ZNF77: variants seen among roughly 807,000 people sequenced by gnomAD.
ZNF77 encodes zinc finger protein 77.
A neutral mutation model predicts 13.5 loss-of-function variants in ZNF77; 15 were observed. The observed-to-expected ratio is 1.11, with a 90% CI of 0.74 to 1.71. The LOEUF (loss-of-function observed/expected upper bound fraction) is 1.71. Among genes scored for constraint, ZNF77 ranks in the 40% most tolerant of loss-of-function variants. The pLI is 0.00. For synonymous variants in ZNF77, 282 were observed against 250.0 expected (o/e 1.13, Z -1.21); for missense variants, 717 against 676.4 (o/e 1.06, Z -0.67).
chr19:2,939,592 A>G lies in ZNF77; in HGVS notation c.4-185T>C, dbSNP rs967023662. ...GTGAGTACCTTCCCAACAGGGAGCA[A>G]AGCGCAATGACGGCCTCTGCCAGAG... On this transcript the variant is annotated intron_variant, in intron 1 of 3. Coordinates refer to ENST00000314531, the MANE Select transcript of ZNF77 (RefSeq NM_021217.3). 4 of 725,952 alleles carry G rather than the reference A, an allele frequency of 5.5e-6. No homozygotes were observed. The Admixed American group carries it at 8.9e-5, about 16-fold the overall frequency. The allele number at this position is 725,952 out of a possible 1,614,324, so 45.0% of individuals were successfully genotyped here. A position where few individuals can be genotyped will look rare whatever the true frequency, so the allele number is the denominator to read the frequency against.
At chr19:2,941,861 C>T (rs1371771876) in intron 1 of ZNF77, among the ~76,000 whole-genome samples, 2 of 152,136 alleles carry the variant, frequency 1.3e-5, no homozygotes, top group Admixed American at 6.6e-5. Context: ...TCCACACCTT[C>T]GCCCACCTCA....
chr19:2,940,473 G>A (rs540701121), intron 1 of ZNF77, among the ~76,000 whole-genome samples: 19 of 152,178 alleles, frequency 1.2e-4, no homozygotes, highest in African/African-American at 4.6e-4. Flanking sequence ...AAGAGATCAA[G>A]ACCATCCTGG....
At position 2,933,590 on chromosome 19, in the gene ZNF77, T is replaced by G. The variant is rs2088362944; in HGVS notation, c.1537A>C (p.Thr513Pro). The G allele has an allele frequency of 5.6e-6, 9 of 1,614,068 alleles. No homozygotes were observed. The highest frequency in any genetic ancestry group is 1.6e-4 in the Middle Eastern group (1 of 6,062). The change falls in exon 4 of 4, where the codon ACG becomes CCG. Residue 513 changes from threonine (T) to proline (P), a missense_variant. Physicochemically the swap from Thr to Pro is conservative, Grantham distance 38. Transcript: ENST00000314531. ...TCATACGGTCTCTCTCCAGTGTGCG[T>G]TCTCACGTGCACACGAAGGGACGAG... is the stretch of plus-strand genomic sequence containing the variant. Reference protein sequence around the residue: ...CSSSLRVHVRTHTGERPYECK... With the variant: ...CSSSLRVHVRPHTGERPYECK...
chr19:2,936,211 G>A (rs553354462), intron 3 of ZNF77, among the ~76,000 whole-genome samples: 87 of 151,730 alleles, frequency 5.7e-4, no homozygotes, highest in African/African-American at 1.8e-3. Context: ...GCAATGGTGC[G>A]ATCTCAGCTC....
At chr19:2,938,876 A>G (rs1599620051) in intron 2 of ZNF77, among the ~76,000 whole-genome samples, 1 of 152,096 alleles carries the variant, frequency 6.6e-6, no homozygotes, top group African/African-American at 2.4e-5. Flanking sequence ...GAATGGCATG[A>G]ACCCGGGAGG....
intron 2 of ZNF77, among the ~76,000 whole-genome samples, chr19:2,938,238 A>AGGAAGGT: frequency 6.6e-6 from 1 of 152,294 alleles, no homozygotes; most frequent in East Asian, 1.9e-4. Context: ...TCACATGATG[A>AGGAAGGT]GGAAGGATTG....
intron 1 of ZNF77, among the ~76,000 whole-genome samples, chr19:2,943,519 G>A (rs1166277621): frequency 6.6e-6 from 1 of 151,664 alleles, no homozygotes; most frequent in African/African-American, 2.4e-5. Flanking sequence ...TGAGCTAGCT[G>A]ACCACGAGGA....
intron 1 of ZNF77, among the ~76,000 whole-genome samples, chr19:2,943,656 C>G (rs1407554756): frequency 7.3e-6 from 1 of 137,530 alleles, no homozygotes; most frequent in Non-Finnish European, 1.6e-5. Flanking sequence ...GAGGCTGGGG[C>G]TTATCCCTAT....
Position 2,933,587 on chromosome 19 carries a change from G to A in ZNF77, c.1540C>T (p.His514Tyr), listed in dbSNP as rs201671349. ...SSSLRVHVRT[H>Y]TGERPYECKQ... Reference sequence around the variant, plus strand: ...CATTCATACGGTCTCTCTCCAGTGTGCGTTCTCACGTGCACACGAAGGGAC... The same window carrying A: ...CATTCATACGGTCTCTCTCCAGTGTACGTTCTCACGTGCACACGAAGGGAC... The change falls in exon 4 of 4, where the codon CAC (histidine) becomes TAC (tyrosine). Residue 514 changes from histidine to tyrosine, a missense_variant. Coordinates refer to ENST00000314531, the MANE Select transcript of ZNF77 (RefSeq NM_021217.3). 5.0e-6 allele frequency: 8 copies of A among 1,613,886 alleles called. 2 individuals carry two copies. The South Asian group carries it at 5.5e-5, about 11-fold the overall frequency.
chr19:2,934,074 G>A lies in ZNF77; in HGVS notation c.1053C>T (p.Pro351=). The change falls in exon 4 of 4, where the codon CCC becomes CCT. Residue 351 remains proline (P), a synonymous_variant. Transcript: ENST00000314531. ...CTTTGCCGCATTCCTTACATTCATA[G>A]GGTTTCTCTCCACTGTGCGTTCTCC... ...EHGRTHSGEK[P]YECKECGKAF... is the part of the protein sequence containing the mutation. 1 of 1,613,868 alleles carries A rather than the reference G, an allele frequency of 6.2e-7. No homozygotes were observed. Among genetic ancestry groups the A allele is most frequent in the Non-Finnish European group, 8.5e-7 (1 of 1,179,948 alleles).
chr19:2,944,873 C>T lies in ZNF77; in HGVS notation c.-33G>A. 1 of 1,523,038 alleles carries T rather than the reference C, an allele frequency of 6.6e-7. No homozygotes were observed. Among genetic ancestry groups the T allele is most frequent in the Middle Eastern group, 2.1e-4 (1 of 4,854 alleles). 94.3% of individuals were successfully genotyped at this position (1,523,038 alleles called of 1,614,324 possible). On this transcript the variant is annotated 5_prime_UTR_variant, in exon 1 of 4. Transcript: ENST00000314531. ...CCGCTCCTGGGCTCTCCAGGGTTAGCGCCCCGCGGTCCAGCGACCGGCGCA... is the reference window on the plus strand; with the variant it reads ...CCGCTCCTGGGCTCTCCAGGGTTAGTGCCCCGCGGTCCAGCGACCGGCGCA...
Position 2,934,448 on chromosome 19 carries a change from A to C in ZNF77, c.679T>G (p.Phe227Val). 6.2e-7 allele frequency: 1 copy of C among 1,614,226 alleles called. No homozygotes were observed. The highest frequency in any genetic ancestry group is 2.2e-5 in the East Asian group (1 of 44,888). ...CGKAFICPSSFRGHVNSHHGQ... is the reference protein window; with the variant it reads ...CGKAFICPSSVRGHVNSHHGQ... Reference sequence around the variant, plus strand: ...TGATGACTATTCACATGTCCCCTGAAAGATGAGGGACAAATGAAAGCTTTT... The same window carrying C: ...TGATGACTATTCACATGTCCCCTGACAGATGAGGGACAAATGAAAGCTTTT... The change falls in exon 4 of 4, where the codon TTC (phenylalanine) becomes GTC (valine). Residue 227 changes from phenylalanine to valine, a missense_variant. Transcript: ENST00000314531.
At chr19:2,937,344 G>A (rs1385706137) in intron 2 of ZNF77, among the ~76,000 whole-genome samples, 2 of 152,064 alleles carry the variant, frequency 1.3e-5, no homozygotes, top group African/African-American at 4.8e-5. Context: ...AATCAGCCGG[G>A]CATAGTGGCA....
At chr19:2,940,678 G>GAAAAAAAAAAAAAAAAA (rs71179936) in intron 1 of ZNF77, among the ~76,000 whole-genome samples, 1 of 114,616 alleles carries the variant, frequency 8.7e-6, no homozygotes, top group Non-Finnish European at 1.8e-5. Flanking sequence ...TCACAAAAAA[G>GAAAAAAAAAAAAAAAAA]AAAAAAAAAA....
chr19:2,943,145 C>T (rs1034160085), intron 1 of ZNF77, among the ~76,000 whole-genome samples: 5 of 151,992 alleles, frequency 3.3e-5, no homozygotes, highest in Non-Finnish European at 5.9e-5. Context: ...CAGCTGTCTC[C>T]CTGTGGCTAC....
At chr19:2,940,820 C>T (rs548595545) in intron 1 of ZNF77, among the ~76,000 whole-genome samples, 109 of 151,820 alleles carry the variant, frequency 7.2e-4, no homozygotes, top group Non-Finnish European at 1.1e-3. Flanking sequence ...CACTTGAGGA[C>T]GTTTCCACTG....
chr19:2,939,431 T>G (rs1279572440), intron 1 of ZNF77, 24 bp from the exon 2 acceptor site: 3 of 1,611,878 alleles, frequency 1.9e-6, no homozygotes, highest in African/African-American at 2.7e-5. Context: ...CACATCCCAC[T>G]TCAGCAAAGG....
At position 2,934,638 on chromosome 19, in the gene ZNF77, C is replaced by T. The variant is rs376922843; in HGVS notation, c.489G>A (p.Pro163=). 128 of 1,614,076 alleles carry T rather than the reference C, an allele frequency of 7.9e-5. No individual in the cohort carries two copies. Among genetic ancestry groups the T allele is most frequent in the Non-Finnish European group, 9.7e-5 (114 of 1,180,038 alleles). The change falls in exon 4 of 4, where the codon CCG becomes CCA. Residue 163 remains proline, a synonymous_variant. Coordinates refer to ENST00000314531, the MANE Select transcript of ZNF77 (RefSeq NM_021217.3). ...TGCAGGCTTGCCCACATTCCTTACACGGTCTCTGTCCAGTGTGAGATCTCT... is the reference window on the plus strand; with the variant it reads ...TGCAGGCTTGCCCACATTCCTTACATGGTCTCTGTCCAGTGTGAGATCTCT... ...NRQRSHTGQR[P]CKECGQACSC...
rs376393254 is a variant in ZNF77, at chr19:2,933,612, C to T, written c.1515G>A (p.Ser505=). 72 of 1,606,146 alleles carry T rather than the reference C, an allele frequency of 4.5e-5. No individual in the cohort carries two copies. Among genetic ancestry groups the T allele is most frequent in the South Asian group, 2.1e-4 (19 of 89,720 alleles). ...GCGTTCTCACGTGCACACGAAGGGA[C>T]GAGGAACAACTGTAGGCTTTCCCAC... ...TECGKAYSCS[S]SLRVHVRTHT... is the part of the protein sequence containing the mutation. The change falls in exon 4 of 4, where the codon TCG becomes TCA. Residue 505 remains serine (S), a synonymous_variant. Transcript: ENST00000314531.
Sources: gnomAD v4.1 joint callset for allele counts (sites outside exome capture counted in the v4.1 genomes callset) on GRCh38, gnomAD v4.1.1 for gene constraint, MANE v1.5 for transcripts, NCBI Gene and HGNC (gene_info 2026-07-23, HGNC 2026-07-21) for gene names.